ADGRG4: variants seen among roughly 807,000 people sequenced by gnomAD.
The protein encoded by ADGRG4 is adhesion G protein-coupled receptor G4.
A neutral mutation model predicts 126.2 loss-of-function variants in ADGRG4; 122 were observed. The observed-to-expected ratio is 0.97, with a 90% CI of 0.83 to 1.12. The LOEUF (loss-of-function observed/expected upper bound fraction) is 1.12. Ranked by LOEUF, ADGRG4 falls within the 50% of genes most tolerant of loss-of-function variation. ADGRG4 has a pLI of 0.00. For synonymous variants in ADGRG4, 943 were observed against 838.7 expected (o/e 1.12, Z -2.15); for missense variants, 2,481 against 2,251.8 (o/e 1.10, Z -2.06).
At chrX:136,319,899 C>G (rs1569533510) in intron 4 of ADGRG4, among the ~76,000 whole-genome samples, 1 of 111,602 alleles carries the variant, frequency 9.0e-6, no homozygotes. Context: ...TGCAAATATG[C>G]TGAAATAAGT....
At position 136,346,095 on chromosome X, in the gene ADGRG4, C is replaced by T. The variant is rs747025842; in HGVS notation, c.2389C>T (p.Pro797Ser). 11 of 1,208,321 alleles carry T rather than the reference C, an allele frequency of 9.1e-6. No individual in the cohort carries two copies. In the Admixed American group the frequency reaches 1.5e-4, roughly 17 times the overall value. Residue 797 changes from proline to serine, a missense_variant, in exon 6 of 26, where the codon CCA (proline) becomes TCA (serine). Physicochemically the swap from Pro to Ser is moderately conservative, Grantham distance 74. Coordinates refer to ENST00000394143, the MANE Select transcript of ADGRG4 (RefSeq NM_153834.4). The stretch of plus-strand genomic sequence containing the variant: ...AATATCTACTCTTGCTTGCATTCAA[C>T]CAAATTTTTCTACTGAGGAAAGTGC... ...DIISTLACIQPNFSTEESASE... is the reference protein window; with the variant it reads ...DIISTLACIQSNFSTEESASE...
chrX:136,333,589 C>G (rs1480606208), intron 5 of ADGRG4, among the ~76,000 whole-genome samples: 1 of 111,839 alleles, frequency 8.9e-6, no homozygotes, highest in Non-Finnish European at 1.9e-5. Context: ...ACGATCTCAG[C>G]TCACTGCAAC....
chrX:136,389,388 C>G (rs1195676762), intron 16 of ADGRG4, among the ~76,000 whole-genome samples: 3 of 112,359 alleles, frequency 2.7e-5, no homozygotes, highest in Non-Finnish European at 5.6e-5. Context: ...CTGTGCTTGT[C>G]TCGTAGAATA....
intron 23 of ADGRG4, among the ~76,000 whole-genome samples, chrX:136,411,488 T>C (rs2075445999): frequency 8.8e-6 from 1 of 113,026 alleles, no homozygotes; most frequent in Non-Finnish European, 1.9e-5. Context: ...GCATTAGAAG[T>C]TGAGGGTCAA....
At chrX:136,405,398 A>G (rs2075400194) in intron 22 of ADGRG4, among the ~76,000 whole-genome samples, 1 of 111,313 alleles carries the variant, frequency 9.0e-6, no homozygotes, top group Admixed American at 9.5e-5. Flanking sequence ...TTCTGCTGTT[A>G]ACGAAGAGAA....
intron 25 of ADGRG4, 125 bp downstream of exon 25, chrX:136,414,452 C>T (rs2148504268): frequency 1.9e-6 from 1 of 536,245 alleles, no homozygotes; most frequent in South Asian, 3.6e-5. Flanking sequence ...CATGTGTATA[C>T]CTCGACTCAT....
chrX:136,383,968 T>G (rs904500930), intron 15 of ADGRG4, among the ~76,000 whole-genome samples: 1 of 108,563 alleles, frequency 9.2e-6, no homozygotes, highest in Non-Finnish European at 1.9e-5. Context: ...CTGGGCTCAG[T>G]GCAACCTCTG....
Position 136,345,719 on chromosome X carries a change from C to T in ADGRG4, c.2013C>T (p.Thr671=). Residue 671 remains threonine, a synonymous_variant, in exon 6 of 26, where the codon ACC becomes ACT. Coordinates refer to ENST00000394143, the MANE Select transcript of ADGRG4 (RefSeq NM_153834.4). ...CCCTGCTGGCATCTATGAACACAAC[C>T]ACCATACTCACATTTGTGCCTAATG... ...DQALLASMNT[T]TILTFVPNEN... is the part of the protein sequence containing the mutation. 1 of 1,211,342 alleles carries T rather than the reference C, an allele frequency of 8.3e-7. No homozygotes were observed. The highest frequency in any genetic ancestry group is 1.1e-6 in the Non-Finnish European group (1 of 895,205).
chrX:136,319,565 A>G (rs2074825895), intron 4 of ADGRG4, among the ~76,000 whole-genome samples: 2 of 111,604 alleles, frequency 1.8e-5, no homozygotes, highest in Admixed American at 9.5e-5. Flanking sequence ...TCTGTTGCCT[A>G]TGTTCACACA....
chrX:136,402,284 CT>C (rs965002508), intron 21 of ADGRG4, among the ~76,000 whole-genome samples: 25 of 108,284 alleles, frequency 2.3e-4, no homozygotes, highest in African/African-American at 2.3e-4. Flanking sequence ...CAGAAGGGAT[CT>C]TTTTTTTTTA....
intron 24 of ADGRG4, among the ~76,000 whole-genome samples, chrX:136,413,613 A>G (rs991779133): frequency 8.9e-6 from 1 of 111,827 alleles, no homozygotes; most frequent in Non-Finnish European, 1.9e-5. Context: ...TGGTATGTGA[A>G]TTGTCTCTTC....
chrX:136,368,214 C>T (rs943164729), intron 13 of ADGRG4, among the ~76,000 whole-genome samples: 24 of 112,366 alleles, frequency 2.1e-4, no homozygotes, highest in African/African-American at 7.1e-4. Flanking sequence ...AATGTTTTAA[C>T]TTCTTACTCT....
At chrX:136,338,706 G>A (rs1347146681) in intron 5 of ADGRG4, among the ~76,000 whole-genome samples, 1 of 111,872 alleles carries the variant, frequency 8.9e-6, no homozygotes, top group African/African-American at 3.3e-5. Flanking sequence ...CTCAGTTTTA[G>A]CATCAGTTGA....
Position 136,347,088 on chromosome X carries a change from C to A in ADGRG4, c.3382C>A (p.Leu1128Ile). ...TGTGACAGCTAAGGCTGAGACCACC[C>A]TTTTCTCTACCTCAGTTGATACAGT... ...TPVTAKAETT[L>I]FSTSVDTVTP... The change falls in exon 6 of 26, where the codon CTT becomes ATT. Residue 1128 changes from leucine to isoleucine, a missense_variant. Transcript: ENST00000394143. 1 of 1,209,887 alleles carries A rather than the reference C, an allele frequency of 8.3e-7. No individual in the cohort carries two copies. Among genetic ancestry groups the A allele is most frequent in the Non-Finnish European group, 1.1e-6 (1 of 894,173 alleles).
chrX:136,354,424 A>G (rs933539601), intron 8 of ADGRG4, among the ~76,000 whole-genome samples: 5 of 111,312 alleles, frequency 4.5e-5, no homozygotes, highest in Admixed American at 1.9e-4. Flanking sequence ...CTCTTCTTAT[A>G]AGGGTACTGT....
intron 23 of ADGRG4, among the ~76,000 whole-genome samples, chrX:136,410,910 T>G (rs1478582782): frequency 8.9e-6 from 1 of 112,122 alleles, no homozygotes; most frequent in Non-Finnish European, 1.9e-5. Flanking sequence ...AAAATGAGTT[T>G]CAGTTTGAGG....
At chrX:136,327,110 T>G (rs1220283121) in intron 5 of ADGRG4, among the ~76,000 whole-genome samples, 8 of 111,687 alleles carry the variant, frequency 7.2e-5, no homozygotes, top group African/African-American at 1.6e-4. Context: ...AAATTACAAA[T>G]GTAATACATG....
At chrX:136,310,367 A>T (rs1382962229) in intron 4 of ADGRG4, among the ~76,000 whole-genome samples, 1 of 111,349 alleles carries the variant, frequency 9.0e-6, no homozygotes, top group African/African-American at 3.3e-5. Context: ...CTCAACCTGC[A>T]GAGGTCAATT....
Position 136,395,447 on chromosome X carries a change from A to G in ADGRG4, c.8138A>G (p.Tyr2713Cys), listed in dbSNP as rs773640215. ...GCKVKETNVN[Y>C]TICQCDHLTH... ...AAAGTAAAGGAAACAAATGTAAATT[A>G]CACAATCTGTCAGTGTGACCACCTC... Residue 2713 changes from tyrosine to cysteine, a missense_variant, in exon 19 of 26, where the codon TAC (tyrosine) becomes TGC (cysteine). Physicochemically the swap from Tyr to Cys is radical, Grantham distance 194. Transcript: ENST00000394143. 3 of 1,203,353 alleles carry G rather than the reference A, an allele frequency of 2.5e-6. No individual in the cohort carries two copies. Among genetic ancestry groups the G allele is most frequent in the Non-Finnish European group, 2.3e-6 (2 of 888,140 alleles).
Sources: allele counts gnomAD v4.1 joint callset (sites outside exome capture counted in the v4.1 genomes callset), GRCh38; gene constraint gnomAD v4.1.1; transcripts MANE v1.5; gene names NCBI Gene and HGNC (gene_info 2026-07-23, HGNC 2026-07-21).